Variants in C10orf143 observed in about 807,000 individuals in gnomAD.
C10orf143 encodes chromosome 10 open reading frame 143, also known as uncharacterized protein C10orf143.
downstream of C10orf143, among the ~76,000 whole-genome samples, chr10:130,061,167 T>G (rs142788180): frequency 1.1e-4 from 17 of 152,294 alleles, no homozygotes; most frequent in African/African-American, 4.1e-4. Flanking sequence ...ATTTTAAAAG[T>G]ACATGCTTGG....
chr10:130,078,587 T>G (rs1233720830), intron 3 of C10orf143, among the ~76,000 whole-genome samples: 1 of 152,220 alleles, frequency 6.6e-6, no homozygotes, highest in South Asian at 2.1e-4. Flanking sequence ...TATACCTTCA[T>G]GGAATGAGTT....
rs530761489 is a variant in C10orf143 at position 130,108,093 on chromosome 10, C to A, written c.69+2611G>T. ...GATTCATCTCTCCCTGCTGAAAATG[C>A]AGCAACTGGCCCTCGCTTTGTTCCT... On this transcript the variant is annotated intron_variant, in intron 1 of 3. Coordinates refer to ENST00000637128, the MANE Select transcript of C10orf143 (RefSeq NM_001355042.2). 219 of 1,514,552 alleles carry A rather than the reference C, an allele frequency of 1.4e-4. 1 individual carries two copies. The East Asian group carries it at 3.9e-3, about 27-fold the overall frequency. 93.8% of individuals were successfully genotyped at this position (1,514,552 alleles called of 1,614,324 possible).
chr10:130,071,347 C>A (rs966967626), intron 3 of C10orf143, among the ~76,000 whole-genome samples: 1 of 152,138 alleles, frequency 6.6e-6, no homozygotes, highest in Non-Finnish European at 1.5e-5. Context: ...AGTTATAGCA[C>A]CATTTTTATT....
At chr10:130,072,952 T>A (rs1189433293) in intron 3 of C10orf143, among the ~76,000 whole-genome samples, 1 of 152,200 alleles carries the variant, frequency 6.6e-6, no homozygotes, top group Admixed American at 6.5e-5. Flanking sequence ...CTTCAATGTG[T>A]AAAAACCACA....
intron 3 of C10orf143, among the ~76,000 whole-genome samples, chr10:130,036,324 G>A (rs563147471): frequency 2.1e-4 from 32 of 152,302 alleles, no homozygotes; most frequent in South Asian, 1.2e-3. Context: ...TTCCAGGCCC[G>A]ATAGGTCATG....
Position 130,106,201 on chromosome 10 carries a change from T to C in C10orf143, c.69+4503A>G, listed in dbSNP as rs193213118. 208 of 1,082,556 alleles carry C rather than the reference T, an allele frequency of 1.9e-4. 5 individuals carry two copies. In the African/African-American group the frequency reaches 2.2e-3, roughly 12 times the overall value. The allele number at this position is 1,082,556 out of a possible 1,614,324, so 67.1% of individuals were successfully genotyped here. ...TGATATGTGCAGCTGTTGCTGCATT[T>C]TTTGCTGTTCTCCTTTTTCTGTGGA... is the stretch of plus-strand genomic sequence containing the variant. On this transcript the variant is annotated intron_variant, in intron 1 of 3. Coordinates refer to ENST00000637128, the MANE Select transcript of C10orf143 (RefSeq NM_001355042.2).
At chr10:130,050,739 A>G (rs1402444687) in intron 3 of C10orf143, among the ~76,000 whole-genome samples, 4 of 152,226 alleles carry the variant, frequency 2.6e-5, no homozygotes, top group Non-Finnish European at 5.9e-5. Context: ...GCTATTTAAG[A>G]AATTATTCTA....
Position 130,105,735 on chromosome 10 carries a change from C to CA in C10orf143, c.69+4968_69+4969insT, listed in dbSNP as rs533192597. 4.0e-3 allele frequency among the ~76,000 whole-genome samples: 609 copies of CA among 152,056 alleles called. 3 individuals are homozygous for CA. Among genetic ancestry groups the CA allele is most frequent in the African/African-American group, 0.013 (557 of 41,496 alleles). On this transcript the variant is annotated intron_variant, in intron 1 of 3. Transcript: ENST00000637128. ...ACAAGAGTGAGACTCCGTTCCCCTCCCCCCCCAAACAAAACAAAACAAAAC... is the reference window on the plus strand; with the variant it reads ...ACAAGAGTGAGACTCCGTTCCCCTCCACCCCCCAAACAAAACAAAACAAAAC...
At chr10:130,063,212 G>A (rs1860876226), downstream of C10orf143, among the ~76,000 whole-genome samples, 1 of 152,132 alleles carries the variant, frequency 6.6e-6, no homozygotes, top group Non-Finnish European at 1.5e-5. Flanking sequence ...GACACCGGGT[G>A]GACACCTGCT....
intron 1 of C10orf143, among the ~76,000 whole-genome samples, chr10:130,092,669 AC>A (rs1316333149): frequency 7.9e-5 from 12 of 152,156 alleles, no homozygotes; most frequent in African/African-American, 2.4e-4. Context: ...TATTCAGGAG[AC>A]CCATCTCACC....
At chr10:130,080,006 G>T (rs1861180982) in intron 1 of C10orf143, 105 bp from the exon 2 acceptor site, 1 of 397,864 alleles carries the variant, frequency 2.5e-6, no homozygotes, top group Non-Finnish European at 4.4e-6. Context: ...CCCCTGTGGA[G>T]CTGGAAAACT....
In C10orf143 at chr10:130,098,175, C is replaced by T. The variant is rs540499140; in HGVS notation, c.69+12529G>A. Among the ~76,000 whole-genome samples, 496 of 151,724 alleles carry T rather than the reference C, an allele frequency of 3.3e-3. 6 individuals are homozygous for T. Among genetic ancestry groups the T allele is most frequent in the African/African-American group, 0.011 (470 of 41,370 alleles). Reference sequence around the variant, plus strand: ...CTGTCTCTACTAAAAATACAAAAATCAGCTGGGCATGGTGGCACGTGCCTG... The same window carrying T: ...CTGTCTCTACTAAAAATACAAAAATTAGCTGGGCATGGTGGCACGTGCCTG... On this transcript the variant is annotated intron_variant, in intron 1 of 3. Coordinates refer to ENST00000637128, the MANE Select transcript of C10orf143 (RefSeq NM_001355042.2).
chr10:130,067,944 G>A (rs550676110), intron 3 of C10orf143: 1 of 152,526 alleles, frequency 6.6e-6, no homozygotes, highest in Non-Finnish European at 1.5e-5. Flanking sequence ...AAGTTGTCCT[G>A]GGAGCCGCGA....
At chr10:130,106,942 T>C (rs747560790) in intron 1 of C10orf143, 3 of 997,348 alleles carry the variant, frequency 3.0e-6, no homozygotes, top group African/African-American at 3.1e-5. Flanking sequence ...AATCAGAAGA[T>C]GGTGCTTACT....
At chr10:130,087,840 G>A (rs957795373) in intron 1 of C10orf143, among the ~76,000 whole-genome samples, 1 of 152,198 alleles carries the variant, frequency 6.6e-6, no homozygotes, top group African/African-American at 2.4e-5. Flanking sequence ...CCCAGCGCCA[G>A]CTCTGCCACC....
intron 3 of C10orf143, among the ~76,000 whole-genome samples, chr10:130,077,055 T>C (rs1861130209): frequency 6.6e-6 from 1 of 152,104 alleles, no homozygotes; most frequent in African/African-American, 2.4e-5. Context: ...TCCTAAATAA[T>C]AATGTACAGC....
chr10:130,109,332 A>G (rs967260363), intron 1 of C10orf143, among the ~76,000 whole-genome samples: 2 of 152,132 alleles, frequency 1.3e-5, no homozygotes, highest in African/African-American at 4.8e-5. Context: ...TTGGCTATGC[A>G]GAGGAGGGTG....
chr10:130,063,463 T>C (rs1394487837), downstream of C10orf143, among the ~76,000 whole-genome samples: 1 of 152,246 alleles, frequency 6.6e-6, no homozygotes, highest in Non-Finnish European at 1.5e-5. Context: ...GTCATAGCTC[T>C]GGGATCTTAC....
intron 1 of C10orf143, among the ~76,000 whole-genome samples, chr10:130,093,245 T>C (rs1184568720): frequency 6.6e-6 from 1 of 152,192 alleles, no homozygotes; most frequent in Non-Finnish European, 1.5e-5. Context: ...AAATTAGAAT[T>C]CAGGATTAAG....
Sources: allele counts gnomAD v4.1 joint callset (sites outside exome capture counted in the v4.1 genomes callset), GRCh38; gene constraint gnomAD v4.1.1; transcripts MANE v1.5; gene names NCBI Gene and HGNC (gene_info 2026-07-23, HGNC 2026-07-21).